DENND1A: variants seen among roughly 807,000 people sequenced by gnomAD.
The protein encoded by DENND1A is DENN domain containing 1A.
DENND1A carries 51 observed loss-of-function variants against 113.7 expected under a neutral mutation model. That is an observed-to-expected ratio of 0.45 (90% CI 0.36 to 0.57). The LOEUF is 0.57. DENND1A is among the 20% of genes least tolerant of loss of function. The pLI is 0.00. For missense variants in DENND1A, 1,258 were observed against 1,395.9 expected, an observed-to-expected ratio of 0.90 and a Z score of 1.57; for synonymous variants, 565 against 570.8, an observed-to-expected ratio of 0.99 and a Z score of 0.14.
At chr9:123,822,600 C>A (rs1442573062) in intron 2 of DENND1A, among the ~76,000 whole-genome samples, 2 of 152,188 alleles carry the variant, frequency 1.3e-5, no homozygotes, top group African/African-American at 2.4e-5. Flanking sequence ...AACTCAAACA[C>A]AGGATTGCCT....
At chr9:123,625,417 C>A (rs2061161067) in intron 10 of DENND1A, among the ~76,000 whole-genome samples, 1 of 152,228 alleles carries the variant, frequency 6.6e-6, no homozygotes, top group Admixed American at 6.5e-5. Context: ...AACTAGCTAA[C>A]AATTTAGCAA....
intron 2 of DENND1A, among the ~76,000 whole-genome samples, chr9:123,865,145 T>C (rs1845633389): frequency 6.6e-6 from 1 of 152,178 alleles, no homozygotes; most frequent in South Asian, 2.1e-4. Flanking sequence ...TAAATATTGC[T>C]GAATAAACTG....
rs1008085996 is a variant in DENND1A, at chr9:123,623,580, T to C, written c.719+6796A>G. ...ACAAAAAAAAATAATTTGAGAAATA[T>C]TTAGGGCAGCCCATTTGTACTAAAC... On this transcript the variant is annotated intron_variant, in intron 10 of 23. Transcript: ENST00000394215. Among the ~76,000 whole-genome samples, 4 of 152,286 alleles carry C rather than the reference T, an allele frequency of 2.6e-5. No homozygotes were observed. In the South Asian group the frequency reaches 8.3e-4, roughly 32 times the overall value.
At chr9:123,581,414 G>T (rs2058887624) in intron 12 of DENND1A, among the ~76,000 whole-genome samples, 1 of 152,066 alleles carries the variant, frequency 6.6e-6, no homozygotes, top group Admixed American at 6.6e-5. Context: ...TGGGCAGATT[G>T]CTTGAGCCCA....
chr9:123,790,776 C>G (rs1832877170), intron 3 of DENND1A, among the ~76,000 whole-genome samples: 1 of 152,070 alleles, frequency 6.6e-6, no homozygotes, highest in Non-Finnish European at 1.5e-5. Context: ...CACACATATG[C>G]AAGAATAGTA....
chr9:123,875,327 C>T (rs1193493112), intron 2 of DENND1A, among the ~76,000 whole-genome samples: 1 of 152,138 alleles, frequency 6.6e-6, no homozygotes, highest in Non-Finnish European at 1.5e-5. Flanking sequence ...GTAACATTTA[C>T]AGGGCTTAGG....
chr9:123,490,321 C>T (rs1367946712), intron 13 of DENND1A, among the ~76,000 whole-genome samples: 1 of 152,210 alleles, frequency 6.6e-6, no homozygotes, highest in Non-Finnish European at 1.5e-5. Context: ...CAAGGTGGCT[C>T]ACGCCTGTAA....
intron 9 of DENND1A, among the ~76,000 whole-genome samples, chr9:123,639,196 C>T (rs1316365832): frequency 7.9e-5 from 12 of 151,664 alleles, no homozygotes; most frequent in Admixed American, 7.9e-4. Context: ...CCAGCACTTA[C>T]GGAGGCCAAG....
chr9:123,742,672 A>T (rs930405065), intron 5 of DENND1A, among the ~76,000 whole-genome samples: 1 of 152,174 alleles, frequency 6.6e-6, no homozygotes, highest in African/African-American at 2.4e-5. Context: ...CCAGGGGCTC[A>T]GTTTGTGAAA....
chr9:123,518,012 T>G (rs1384017012), intron 13 of DENND1A, among the ~76,000 whole-genome samples: 1 of 152,172 alleles, frequency 6.6e-6, no homozygotes, highest in Non-Finnish European at 1.5e-5. Context: ...ATTTTTTAGG[T>G]GTTGTCTCAA....
intron 5 of DENND1A, among the ~76,000 whole-genome samples, chr9:123,693,869 C>T (rs759488543): frequency 2.0e-5 from 3 of 150,078 alleles, no homozygotes; most frequent in Admixed American, 6.6e-5. Context: ...CTCTCTTTCA[C>T]CAGGCGGGAG....
In DENND1A at chr9:123,630,396, C is replaced by T. The variant is rs1485444576; in HGVS notation, c.699G>A (p.Pro233=). ...WQHVYIPVLP[P]HLLDYCCAPM... ...CTTACCAGCAGTAGTCCAGCAGATGCGGCGGCAGCACGGGGATGTACACGT... is the reference window on the plus strand; with the variant it reads ...CTTACCAGCAGTAGTCCAGCAGATGTGGCGGCAGCACGGGGATGTACACGT... Residue 233 remains proline, a synonymous_variant, in exon 10 of 24, where the codon CCG becomes CCA. Transcript: ENST00000394215. 6.3e-6 allele frequency: 10 copies of T among 1,596,940 alleles called. No individual in the cohort carries two copies. Among genetic ancestry groups the T allele is most frequent in the African/African-American group, 1.3e-5 (1 of 74,590 alleles).
At chr9:123,494,554 C>A (rs1347422363) in intron 13 of DENND1A, among the ~76,000 whole-genome samples, 1 of 152,182 alleles carries the variant, frequency 6.6e-6, no homozygotes, top group Non-Finnish European at 1.5e-5. Context: ...TTACAGAACA[C>A]ACCCTTAAAA....
intron 2 of DENND1A, among the ~76,000 whole-genome samples, chr9:123,856,356 G>T (rs1426497648): frequency 1.3e-5 from 2 of 152,148 alleles, no homozygotes; most frequent in Non-Finnish European, 2.9e-5. Flanking sequence ...TCTAACATAG[G>T]GTGTCAGAAC....
intron 18 of DENND1A, among the ~76,000 whole-genome samples, chr9:123,443,979 C>T (rs1466048546): frequency 6.6e-6 from 1 of 151,812 alleles, no homozygotes. Context: ...AGGTGGGGGG[C>T]ATTCAAATTC....
intron 3 of DENND1A, among the ~76,000 whole-genome samples, chr9:123,772,879 C>G (rs1282133649): frequency 6.6e-6 from 1 of 152,150 alleles, no homozygotes; most frequent in Non-Finnish European, 1.5e-5. Flanking sequence ...CAAAACACTG[C>G]TGACATTATA....
chr9:123,886,920 G>A (rs1434051530), intron 1 of DENND1A, among the ~76,000 whole-genome samples: 2 of 152,172 alleles, frequency 1.3e-5, no homozygotes, highest in Admixed American at 6.5e-5. Flanking sequence ...ATATTGCTAC[G>A]AAAAGAGTCA....
intron 10 of DENND1A, among the ~76,000 whole-genome samples, chr9:123,611,327 A>T (rs549535111): frequency 1.1e-4 from 17 of 152,276 alleles, no homozygotes; most frequent in Non-Finnish European, 1.5e-4. Flanking sequence ...CAAACTTCCC[A>T]GTGTGCCTGG....
intron 13 of DENND1A, among the ~76,000 whole-genome samples, chr9:123,476,659 C>T (rs1168095079): frequency 1.3e-5 from 2 of 152,118 alleles, no homozygotes; most frequent in Non-Finnish European, 2.9e-5. Context: ...GTGTGGGAGG[C>T]GGTAGTGGTG....
Sources: gnomAD v4.1 joint callset for allele counts (sites outside exome capture counted in the v4.1 genomes callset) on GRCh38, gnomAD v4.1.1 for gene constraint, MANE v1.5 for transcripts, NCBI Gene and HGNC (gene_info 2026-07-23, HGNC 2026-07-21) for gene names.